OPCML: variants seen among roughly 807,000 people sequenced by gnomAD.
The protein encoded by OPCML is opioid-binding protein/cell adhesion molecule.
A neutral mutation model predicts 37.8 loss-of-function variants in OPCML; 13 were observed. The observed-to-expected ratio is 0.34, with a 90% CI of 0.22 to 0.55. The LOEUF (loss-of-function observed/expected upper bound fraction) is 0.55. OPCML is among the 20% of genes least tolerant of loss of function. The pLI, the probability that OPCML is intolerant of heterozygous loss-of-function variation, is 0.91. For missense variants in OPCML, 341 were observed against 435.6 expected, an observed-to-expected ratio of 0.78 and a Z score of 1.93; for synonymous variants, 176 against 168.8, an observed-to-expected ratio of 1.04 and a Z score of -0.33.
At chr11:132,773,551 A>G (rs531924077) in intron 2 of OPCML, among the ~76,000 whole-genome samples, 1 of 152,334 alleles carries the variant, frequency 6.6e-6, no homozygotes, top group East Asian at 1.9e-4. Flanking sequence ...AAGTCTCAGC[A>G]TCATGGTGGC....
chr11:133,267,957 G>A (rs564869177), intron 1 of OPCML, among the ~76,000 whole-genome samples: 10 of 152,088 alleles, frequency 6.6e-5, no homozygotes, highest in East Asian at 3.9e-4. Flanking sequence ...ATCCAGTCTC[G>A]GGTATGTCTT....
At chr11:133,489,943 T>C (rs1373731545) in intron 1 of OPCML, among the ~76,000 whole-genome samples, 1 of 151,820 alleles carries the variant, frequency 6.6e-6, no homozygotes, top group Non-Finnish European at 1.5e-5. Context: ...GCACACACCA[T>C]GGAATACTAC....
rs1938422438 is a variant in OPCML, at chr11:133,193,824, T to C, written c.62-250814A>G. ...AGAAGAAGTCCTTGAGGGGAGATAATGCATTGATTTATGATTCAAAGAAAA... is the reference window on the plus strand; with the variant it reads ...AGAAGAAGTCCTTGAGGGGAGATAACGCATTGATTTATGATTCAAAGAAAA... On this transcript the variant is annotated intron_variant, in intron 1 of 7. Coordinates refer to ENST00000524381, the MANE Select transcript of OPCML (RefSeq NM_001012393.5). Among the ~76,000 whole-genome samples the C allele has an allele frequency of 2.6e-5, 4 of 152,144 alleles. No individual in the cohort carries two copies. The South Asian group carries it at 8.3e-4, about 32-fold the overall frequency.
Position 133,085,388 on chromosome 11 carries a change from T to C in OPCML, c.62-142378A>G, listed in dbSNP as rs556402775. The stretch of plus-strand genomic sequence containing the variant: ...CACACAGCTCTGTGTTTTAATTAGC[T>C]GTGTGCATGCCATTCCCCACACCAG... On this transcript the variant is annotated intron_variant, in intron 1 of 7. Transcript: ENST00000524381. Among the ~76,000 whole-genome samples the C allele has an allele frequency of 2.0e-5, 3 of 152,346 alleles. No homozygotes were observed. The East Asian group carries it at 5.8e-4, about 29-fold the overall frequency.
At chr11:132,804,848 A>C (rs1938904027) in intron 2 of OPCML, among the ~76,000 whole-genome samples, 1 of 152,222 alleles carries the variant, frequency 6.6e-6, no homozygotes, top group Admixed American at 6.5e-5. Flanking sequence ...TGTATTATCT[A>C]TAATGCCAAT....
intron 1 of OPCML, among the ~76,000 whole-genome samples, chr11:133,347,764 C>G (rs1274445804): frequency 6.6e-6 from 1 of 152,132 alleles, no homozygotes; most frequent in African/African-American, 2.4e-5. Context: ...CCTGATGGAG[C>G]TAGAGTTGTG....
chr11:133,291,047 A>G (rs1942458726), intron 1 of OPCML, among the ~76,000 whole-genome samples: 1 of 152,196 alleles, frequency 6.6e-6, no homozygotes, highest in African/African-American at 2.4e-5. Context: ...GTTTAAAATC[A>G]CATCTCATAA....
chr11:133,210,002 C>T (rs1226443804), intron 1 of OPCML, among the ~76,000 whole-genome samples: 3 of 152,176 alleles, frequency 2.0e-5, no homozygotes, highest in Non-Finnish European at 2.9e-5. Context: ...CAGGTAGGTG[C>T]CTTCCAATTT....
intron 2 of OPCML, among the ~76,000 whole-genome samples, chr11:132,784,596 C>A (rs1480355348): frequency 1.3e-5 from 2 of 152,086 alleles, no homozygotes; most frequent in Non-Finnish European, 2.9e-5. Context: ...TCCCCCCCAC[C>A]CCAATCTTAT....
chr11:133,191,015 T>G (rs1938290689), intron 1 of OPCML, among the ~76,000 whole-genome samples: 1 of 152,180 alleles, frequency 6.6e-6, no homozygotes, highest in Admixed American at 6.6e-5. Context: ...CGGGGTGGAA[T>G]TACTGAATAT....
At chr11:132,892,272 A>T (rs1241781748) in intron 2 of OPCML, among the ~76,000 whole-genome samples, 1 of 152,206 alleles carries the variant, frequency 6.6e-6, no homozygotes, top group Non-Finnish European at 1.5e-5. Flanking sequence ...TCCTAAAGGC[A>T]TATCCAGGAG....
At chr11:133,282,683 C>T (rs1942191212) in intron 1 of OPCML, among the ~76,000 whole-genome samples, 1 of 152,188 alleles carries the variant, frequency 6.6e-6, no homozygotes. Flanking sequence ...AGCAGCTTGC[C>T]TCTTGAGTCT....
intron 3 of OPCML, among the ~76,000 whole-genome samples, chr11:132,592,247 G>C (rs1031074475): frequency 1.3e-5 from 2 of 152,166 alleles, no homozygotes; most frequent in Non-Finnish European, 2.9e-5. Context: ...CGGGTATATC[G>C]GCACAGGCCT....
chr11:133,301,485 A>C (rs1384107163), intron 1 of OPCML: 3 of 152,206 alleles, frequency 2.0e-5, no homozygotes, highest in Non-Finnish European at 4.4e-5. Context: ...CAAAATGAAT[A>C]CAGGTCTCAA....
intron 3 of OPCML, among the ~76,000 whole-genome samples, chr11:132,599,171 C>T (rs1009917739): frequency 1.3e-5 from 2 of 152,056 alleles, no homozygotes; most frequent in South Asian, 2.1e-4. Flanking sequence ...CCCAGCTACT[C>T]GGGAACAAGT....
At chr11:132,471,873 A>C (rs1490268830) in intron 4 of OPCML, among the ~76,000 whole-genome samples, 1 of 152,218 alleles carries the variant, frequency 6.6e-6, no homozygotes, top group Non-Finnish European at 1.5e-5. Context: ...TCCAGCCCAC[A>C]TTGAAAGCAG....
chr11:132,924,121 A>C (rs2659623), intron 2 of OPCML, among the ~76,000 whole-genome samples: 7,785 of 105,438 alleles, frequency 0.074, 310 homozygotes, highest in Middle Eastern at 0.22. Context: ...CTGAGGAAAA[A>C]AAACTATGTG....
chr11:133,055,223 C>T (rs1207902591), intron 1 of OPCML, among the ~76,000 whole-genome samples: 1 of 146,376 alleles, frequency 6.8e-6, no homozygotes, highest in African/African-American at 2.6e-5. Context: ...AGGGAGCCAC[C>T]TCTACCATAT....
chr11:132,574,651 T>C (rs970722075), intron 3 of OPCML, among the ~76,000 whole-genome samples: 2 of 151,996 alleles, frequency 1.3e-5, no homozygotes, highest in Non-Finnish European at 2.9e-5. Flanking sequence ...ATTTTCTTAA[T>C]TTTGCTGAGA....
Sources: allele counts gnomAD v4.1 joint callset (sites outside exome capture counted in the v4.1 genomes callset), GRCh38; gene constraint gnomAD v4.1.1; transcripts MANE v1.5; gene names NCBI Gene and HGNC (gene_info 2026-07-23, HGNC 2026-07-21).